Variants in DIP2C observed in about 807,000 individuals in gnomAD.
DIP2C encodes the protein DIP2 acetate--CoA ligase C (putative).
DIP2C carries 33 observed loss-of-function variants against 192.4 expected under a neutral mutation model. The observed-to-expected ratio is 0.17, with a 90% CI of 0.13 to 0.23. The LOEUF (loss-of-function observed/expected upper bound fraction) is 0.23, where lower values mean the gene tolerates loss of function less well. Among genes scored for constraint, DIP2C ranks in the 10% least tolerant of loss-of-function variants. The pLI, the probability that DIP2C is intolerant of heterozygous loss-of-function variation, is 1.00. For missense variants in DIP2C, 1,537 were observed against 2,110.1 expected, an observed-to-expected ratio of 0.73 and a Z score of 5.32; for synonymous variants, 979 against 864.1, an observed-to-expected ratio of 1.13 and a Z score of -2.33.
chr10:641,428 C>T (rs539472077), intron 1 of DIP2C, among the ~76,000 whole-genome samples: 8 of 152,230 alleles, frequency 5.3e-5, no homozygotes, highest in Non-Finnish European at 1.2e-4. Flanking sequence ...CTCTGCACTG[C>T]TGGGTTCCAT....
At chr10:369,810 A>T in intron 17 of DIP2C, 177 bp from the exon 18 acceptor site, 2 of 1,313,716 alleles carry the variant, frequency 1.5e-6, no homozygotes, top group Non-Finnish European at 2.1e-6. Context: ...GTTTATGAAC[A>T]GCTGGCAGCG....
intron 1 of DIP2C, among the ~76,000 whole-genome samples, chr10:537,199 C>G (rs921857697): frequency 1.3e-5 from 2 of 151,904 alleles, no homozygotes; most frequent in Non-Finnish European, 2.9e-5. Context: ...ATCTTGGCCC[C>G]TGTGACAACC....
chr10:299,855 A>C (rs939565229), intron 32 of DIP2C, among the ~76,000 whole-genome samples: 5 of 152,210 alleles, frequency 3.3e-5, no homozygotes, highest in African/African-American at 1.2e-4. Flanking sequence ...GTGTGGAAAA[A>C]CTTGAATAGT....
At chr10:328,627 A>T (rs375243603) in intron 30 of DIP2C, among the ~76,000 whole-genome samples, 1 of 152,312 alleles carries the variant, frequency 6.6e-6, no homozygotes, top group South Asian at 2.1e-4. Flanking sequence ...ACAATTACTT[A>T]TGTTACATAA....
intron 32 of DIP2C, among the ~76,000 whole-genome samples, chr10:301,419 G>A (rs1161698390): frequency 6.6e-6 from 1 of 152,184 alleles, no homozygotes; most frequent in Non-Finnish European, 1.5e-5. Context: ...GGTGGAGGGG[G>A]TCAGGAGAAA....
At chr10:620,613 T>A (rs907011850) in intron 1 of DIP2C, among the ~76,000 whole-genome samples, 10 of 152,320 alleles carry the variant, frequency 6.6e-5, no homozygotes, top group Admixed American at 3.3e-4. Flanking sequence ...AGAACTAAAC[T>A]ACCTTTAGTT....
At chr10:513,732 C>T (rs555726026) in intron 1 of DIP2C, among the ~76,000 whole-genome samples, 1 of 152,274 alleles carries the variant, frequency 6.6e-6, no homozygotes, top group African/African-American at 2.4e-5. Context: ...AAAGTAAAAC[C>T]AAAAACTCAC....
chr10:397,891 G>A (rs776944080), intron 10 of DIP2C, among the ~76,000 whole-genome samples: 8 of 152,150 alleles, frequency 5.3e-5, no homozygotes, highest in Non-Finnish European at 8.8e-5. Context: ...TGATGGGAAG[G>A]AGGGGTCGGA....
chr10:681,652 C>T (rs1233412175), intron 1 of DIP2C, among the ~76,000 whole-genome samples: 3 of 152,100 alleles, frequency 2.0e-5, no homozygotes, highest in African/African-American at 7.3e-5. Flanking sequence ...AACACAGACC[C>T]TCAGTCACAT....
rs1296561236 is a variant in DIP2C at position 363,377 on chromosome 10, C to A, written c.2478-66G>T. 6 of 1,387,152 alleles carry A rather than the reference C, an allele frequency of 4.3e-6. No homozygotes were observed. Among genetic ancestry groups the A allele is most frequent in the Non-Finnish European group, 5.0e-6 (5 of 992,038 alleles). The allele number at this position is 1,387,152 out of a possible 1,614,324, so 85.9% of individuals were successfully genotyped here. ...GCTCATGCAGCCCTCCCTCCGCCAT[C>A]AGGGGCTCCATAACCATCACTAGTG... On this transcript the variant is annotated intron_variant, in intron 20 of 36. Transcript: ENST00000280886. This position sits in a 1 kb window ranked among gnomAD's most constrained non-coding sequence, Gnocchi z 5.4.
At chr10:558,564 C>T (rs1157633326) in intron 1 of DIP2C, among the ~76,000 whole-genome samples, 1 of 152,126 alleles carries the variant, frequency 6.6e-6, no homozygotes, top group Non-Finnish European at 1.5e-5. Context: ...AGTCACACAA[C>T]CACCCTGCCA....
intron 1 of DIP2C, among the ~76,000 whole-genome samples, chr10:571,446 C>G (rs577510422): frequency 2.0e-5 from 3 of 151,526 alleles, no homozygotes; most frequent in South Asian, 4.1e-4. Context: ...CCACTGCCCT[C>G]TCTCTTCCTC....
intron 1 of DIP2C, among the ~76,000 whole-genome samples, chr10:620,669 A>C (rs1476753471): frequency 2.6e-5 from 4 of 152,216 alleles, no homozygotes; most frequent in African/African-American, 9.7e-5. Context: ...AAAAAATGAC[A>C]AAGTATCTGA....
intron 19 of DIP2C, chr10:364,925 C>A (rs570211445): frequency 1.8e-6 from 1 of 542,542 alleles, no homozygotes; most frequent in African/African-American, 1.9e-5. Flanking sequence ...ATGTAAAAGA[C>A]GAGTGAAGAG....
chr10:473,870 T>C (rs567874685), intron 2 of DIP2C, among the ~76,000 whole-genome samples: 1 of 152,366 alleles, frequency 6.6e-6, no homozygotes, highest in Admixed American at 6.5e-5. Flanking sequence ...TCATATTCCT[T>C]ACTCTGGTGG....
chr10:656,107 T>C (rs1480315865), intron 1 of DIP2C, among the ~76,000 whole-genome samples: 1 of 145,542 alleles, frequency 6.9e-6, no homozygotes, highest in Non-Finnish European at 1.5e-5. Context: ...TGCTACCCTA[T>C]AGAACACTCT....
chr10:548,836 G>A (rs1028725151), intron 1 of DIP2C, among the ~76,000 whole-genome samples: 1 of 133,284 alleles, frequency 7.5e-6, no homozygotes, highest in Admixed American at 8.9e-5. Flanking sequence ...CATTGTGTAT[G>A]TTTAAAGCAC....
intron 1 of DIP2C, among the ~76,000 whole-genome samples, chr10:493,076 C>T (rs1401994819): frequency 6.6e-6 from 1 of 152,224 alleles, no homozygotes; most frequent in African/African-American, 2.4e-5. Context: ...CCTACTGCAG[C>T]CTCGAAACAC....
chr10:381,836 C>A (rs12358375), intron 17 of DIP2C, among the ~76,000 whole-genome samples: 62,077 of 151,932 alleles, frequency 0.41, 12,890 homozygotes, highest in East Asian at 0.5. Context: ...GGGAGTATTG[C>A]CGTGGACATG....
Sources: allele counts gnomAD v4.1 joint callset (sites outside exome capture counted in the v4.1 genomes callset), GRCh38; gene constraint gnomAD v4.1.1; non-coding constraint Gnocchi (gnomAD v3.1); transcripts MANE v1.5; gene names NCBI Gene and HGNC (gene_info 2026-07-23, HGNC 2026-07-21).